Variants in GPR160 observed in about 807,000 individuals in gnomAD.
The protein encoded by GPR160 is probable G protein-coupled receptor 160.
In GPR160, 2 loss-of-function variants were observed where a neutral mutation model predicts 2.6. The observed-to-expected ratio is 0.77, with a 90% CI of 0.32 to 2.44. GPR160 has a LOEUF of 2.44. GPR160 is among the 30% of genes most tolerant of loss of function. GPR160 has a pLI of 0.11. For synonymous variants in GPR160, 130 were observed against 132.2 expected, an observed-to-expected ratio of 0.98 and a Z score of 0.12; for missense variants, 351 against 383.6, an observed-to-expected ratio of 0.91 and a Z score of 0.71.
At chr3:170,073,310 T>C (rs1366266315) in intron 2 of GPR160, among the ~76,000 whole-genome samples, 1 of 152,242 alleles carries the variant, frequency 6.6e-6, no homozygotes, top group African/African-American at 2.4e-5. Flanking sequence ...TTAGTTTTAT[T>C]TCTACATTTA....
chr3:170,076,814 G>A lies in GPR160; in HGVS notation c.-192-2960G>A, dbSNP rs145220357. ...CTGCACCAGCCTCCCAAAGTGCTGC[G>A]ATTACAGGCATGAGCCACCACATGT... On this transcript the variant is annotated intron_variant, in intron 2 of 3. Transcript: ENST00000355897. 4.2e-4 allele frequency among the ~76,000 whole-genome samples: 64 copies of A among 152,250 alleles called. 1 individual carries two copies. In the East Asian group the frequency reaches 0.011, roughly 26 times the overall value.
intron 3 of GPR160, 51 bp from the exon 4 acceptor site, chr3:170,083,854 T>C: frequency 2.0e-6 from 1 of 510,438 alleles, no homozygotes; most frequent in South Asian, 4.8e-5. Context: ...GCTTGCTTTG[T>C]AAAGTTTCAA....
intron 2 of GPR160, among the ~76,000 whole-genome samples, chr3:170,060,784 T>C (rs1214143476): frequency 6.6e-6 from 1 of 151,612 alleles, no homozygotes; most frequent in Non-Finnish European, 1.5e-5. Flanking sequence ...ATAATACTAA[T>C]AATAAAAAGA....
At chr3:170,065,420 A>T (rs1378065198) in intron 2 of GPR160, among the ~76,000 whole-genome samples, 1 of 152,194 alleles carries the variant, frequency 6.6e-6, no homozygotes, top group African/African-American at 2.4e-5. Context: ...TCTGGATCTG[A>T]TGCCTAGATA....
At chr3:170,064,849 G>A (rs1281015404) in intron 2 of GPR160, among the ~76,000 whole-genome samples, 2 of 151,972 alleles carry the variant, frequency 1.3e-5, no homozygotes, top group African/African-American at 2.4e-5. Flanking sequence ...AGTGAGACTC[G>A]GGAGTCATGA....
chr3:170,060,459 G>C (rs566316159), intron 2 of GPR160, among the ~76,000 whole-genome samples: 1 of 152,164 alleles, frequency 6.6e-6, no homozygotes, highest in Non-Finnish European at 1.5e-5. Context: ...AAAGGGAAAA[G>C]GTCCTCTACA....
chr3:170,055,504 C>A (rs2108320243), intron 2 of GPR160, among the ~76,000 whole-genome samples: 1 of 152,318 alleles, frequency 6.6e-6, no homozygotes, highest in African/African-American at 2.4e-5. Context: ...GACTATTGAG[C>A]ACAGATTTCT....
At chr3:170,047,152 A>T (rs1296278906) in intron 2 of GPR160, among the ~76,000 whole-genome samples, 1 of 152,118 alleles carries the variant, frequency 6.6e-6, no homozygotes, top group Non-Finnish European at 1.5e-5. Context: ...TGCAGACCCA[A>T]AGCTTCAGAG....
At chr3:170,079,099 G>C (rs1053944792) in intron 2 of GPR160, among the ~76,000 whole-genome samples, 1 of 152,230 alleles carries the variant, frequency 6.6e-6, no homozygotes, top group South Asian at 2.1e-4. Context: ...ATTACCCACA[G>C]ACTGTGTTTG....
At chr3:170,043,743 C>T (rs1031684024) in intron 2 of GPR160, among the ~76,000 whole-genome samples, 2 of 151,922 alleles carry the variant, frequency 1.3e-5, no homozygotes, top group Non-Finnish European at 2.9e-5. Context: ...TGGTGACAGG[C>T]GGGGGGCATG....
chr3:170,049,489 A>T (rs1446211073), intron 2 of GPR160, among the ~76,000 whole-genome samples: 3 of 152,226 alleles, frequency 2.0e-5, no homozygotes, highest in Admixed American at 6.5e-5. Flanking sequence ...GAGTGCAGAC[A>T]CTGGGTCAAA....
intron 2 of GPR160, among the ~76,000 whole-genome samples, chr3:170,069,382 T>A (rs549587821): frequency 6.6e-6 from 1 of 152,334 alleles, no homozygotes; most frequent in Non-Finnish European, 1.5e-5. Flanking sequence ...CTAGCTTCAG[T>A]CTGTATTCAC....
Position 170,038,519 on chromosome 3 carries a change from G to A in GPR160, c.-322+304G>A, listed in dbSNP as rs569344674. ...GGGGTCTGGGGAATGGGCGTGTCCC[G>A]CACCCAGAGACTCGCCACCCTCTCT... On this transcript the variant is annotated intron_variant, in intron 1 of 3. Coordinates refer to ENST00000355897, the MANE Select transcript of GPR160 (RefSeq NM_014373.3). This position sits in a 1 kb window ranked among gnomAD's most constrained non-coding sequence, Gnocchi z 5.3. The A allele has an allele frequency of 9.1e-4, 138 of 152,330 alleles. No homozygotes were observed. Among genetic ancestry groups the A allele is most frequent in the Non-Finnish European group, 1.4e-3 (92 of 68,072 alleles). The allele number at this position is 152,330 out of a possible 1,614,324, so 9.4% of individuals were successfully genotyped here. A position where few individuals can be genotyped will look rare whatever the true frequency, so the allele number is the denominator to read the frequency against.
chr3:170,075,329 A>C (rs752916586), intron 2 of GPR160, among the ~76,000 whole-genome samples: 47 of 152,336 alleles, frequency 3.1e-4, no homozygotes, highest in Admixed American at 9.8e-4. Flanking sequence ...TTTGAGTTTT[A>C]CCAATATTCT....
intron 2 of GPR160, among the ~76,000 whole-genome samples, chr3:170,047,020 A>T (rs1716750131): frequency 1.3e-5 from 2 of 152,170 alleles, no homozygotes; most frequent in African/African-American, 4.8e-5. Context: ...AGGGCCAGTG[A>T]TTCCCCTCCA....
chr3:170,041,575 C>T (rs1347961123), intron 2 of GPR160, among the ~76,000 whole-genome samples: 2 of 152,160 alleles, frequency 1.3e-5, no homozygotes, highest in East Asian at 3.9e-4. Context: ...CCATCGCGCC[C>T]GGCCGTAAAG....
At chr3:170,080,851 C>T (rs1043564749) in intron 3 of GPR160, among the ~76,000 whole-genome samples, 1 of 152,164 alleles carries the variant, frequency 6.6e-6, no homozygotes, top group African/African-American at 2.4e-5. Context: ...TAGGCCCCCA[C>T]CACCACACCC....
At chr3:170,067,755 T>TAA in intron 2 of GPR160, among the ~76,000 whole-genome samples, 1 of 149,906 alleles carries the variant, frequency 6.7e-6, no homozygotes, top group Middle Eastern at 3.4e-3. Flanking sequence ...GTCTTACCTT[T>TAA]AAAAAAAAAA....
chr3:170,050,062 CTT>C (rs35059153), intron 2 of GPR160, among the ~76,000 whole-genome samples: 29 of 144,336 alleles, frequency 2.0e-4, no homozygotes, highest in Non-Finnish European at 2.4e-4. Context: ...CAGACAATTC[CTT>C]TTTTTTTTTT....
Sources: allele counts gnomAD v4.1 joint callset (sites outside exome capture counted in the v4.1 genomes callset), GRCh38; gene constraint gnomAD v4.1.1; non-coding constraint Gnocchi (gnomAD v3.1); transcripts MANE v1.5; gene names NCBI Gene and HGNC (gene_info 2026-07-23, HGNC 2026-07-21).